The following AKT3 variants were observed in gnomAD, a reference collection of about 807,000 sequenced individuals.
AKT3 encodes RAC-gamma serine/threonine-protein kinase.
In AKT3, 15 loss-of-function variants were observed where a neutral mutation model predicts 65.3. The ratio of observed to expected loss-of-function variants is 0.23; its 90% CI spans 0.15 to 0.35. The LOEUF (loss-of-function observed/expected upper bound fraction) is 0.35. Ranked by LOEUF, AKT3 falls within the 10% of genes least tolerant of loss-of-function variation. The pLI is 1.00. For synonymous variants in AKT3, 206 were observed against 183.8 expected (o/e 1.12, Z -0.98); for missense variants, 243 against 576.5 (o/e 0.42, Z 5.92).
intron 8 of AKT3, among the ~76,000 whole-genome samples, chr1:243,578,541 C>T (rs1436252735): frequency 1.3e-5 from 2 of 151,976 alleles, no homozygotes; most frequent in Non-Finnish European, 2.9e-5. Flanking sequence ...GGGGCAGAGC[C>T]AAGGGAGGGA....
chr1:243,555,246 C>T (rs981023823), intron 10 of AKT3, among the ~76,000 whole-genome samples: 1 of 152,132 alleles, frequency 6.6e-6, no homozygotes, highest in African/African-American at 2.4e-5. Flanking sequence ...ACTAAAATCC[C>T]TCTTTACCTA....
intron 8 of AKT3, among the ~76,000 whole-genome samples, chr1:243,591,217 A>ACTGTTAGCCTGGT (rs1351741032): frequency 6.6e-6 from 1 of 152,238 alleles, no homozygotes; most frequent in Admixed American, 6.5e-5. Flanking sequence ...GAAAAGGACC[A>ACTGTTAGCCTGGT]GATGAAACAA....
intron 2 of AKT3, among the ~76,000 whole-genome samples, chr1:243,793,001 G>C (rs1691725133): frequency 6.6e-6 from 1 of 152,142 alleles, no homozygotes; most frequent in Non-Finnish European, 1.5e-5. Flanking sequence ...CAAACTTCTA[G>C]AAATCATCTT....
At chr1:243,590,588 AAAG>A (rs1173170095) in intron 8 of AKT3, among the ~76,000 whole-genome samples, 1 of 152,174 alleles carries the variant, frequency 6.6e-6, no homozygotes, top group Admixed American at 6.5e-5. Flanking sequence ...ACATGAACAT[AAAG>A]AAGAGATAAA....
At chr1:243,842,531 T>C (rs1430166602) in intron 2 of AKT3, among the ~76,000 whole-genome samples, 1 of 151,966 alleles carries the variant, frequency 6.6e-6, no homozygotes, top group Non-Finnish European at 1.5e-5. Flanking sequence ...AAAGTAGGAG[T>C]GAACAAGGTG....
intron 2 of AKT3, among the ~76,000 whole-genome samples, chr1:243,807,192 CA>C (rs1379569283): frequency 9.2e-5 from 14 of 152,166 alleles, no homozygotes; most frequent in African/African-American, 3.1e-4. Flanking sequence ...GGGTGCAGGA[CA>C]GGGGGTGCAG....
chr1:243,804,855 AAAAC>A (rs1008376998), intron 2 of AKT3, among the ~76,000 whole-genome samples: 8 of 152,036 alleles, frequency 5.3e-5, no homozygotes, highest in African/African-American at 1.2e-4. Context: ...TCAAAAAAAA[AAAAC>A]AAACAAAAAA....
At chr1:243,825,576 T>G (rs1212680318) in intron 2 of AKT3, among the ~76,000 whole-genome samples, 2 of 152,218 alleles carry the variant, frequency 1.3e-5, no homozygotes, top group East Asian at 3.9e-4. Context: ...TATTTTTGGC[T>G]GACCATTATT....
At chr1:243,835,224 C>G (rs1376043017) in intron 2 of AKT3, among the ~76,000 whole-genome samples, 1 of 152,034 alleles carries the variant, frequency 6.6e-6, no homozygotes, top group East Asian at 1.9e-4. Flanking sequence ...GCAATCCCAC[C>G]CCCACATCAT....
intron 4 of AKT3, among the ~76,000 whole-genome samples, chr1:243,652,771 C>CCAAAAAAAAAAAAA (rs761535967): frequency 3.2e-5 from 1 of 31,290 alleles, no homozygotes; most frequent in African/African-American, 1.3e-4. Context: ...AAATAGAAAG[C>CCAAAAAAAAAAAAA]AAAAAAAAAA....
intron 6 of AKT3, among the ~76,000 whole-genome samples, chr1:243,630,307 T>C (rs1434494404): frequency 6.6e-6 from 1 of 152,174 alleles, no homozygotes; most frequent in Non-Finnish European, 1.5e-5. Context: ...TCCCAAGTGT[T>C]ATAACCCAAA....
intron 10 of AKT3, among the ~76,000 whole-genome samples, chr1:243,559,834 A>G (rs1673648773): frequency 1.3e-5 from 2 of 152,126 alleles, no homozygotes; most frequent in Admixed American, 6.6e-5. Flanking sequence ...ATACACAACT[A>G]CTACTTCTAG....
intron 2 of AKT3, among the ~76,000 whole-genome samples, chr1:243,821,849 A>G (rs1219780395): frequency 6.6e-6 from 1 of 152,164 alleles, no homozygotes; most frequent in African/African-American, 2.4e-5. Context: ...TTAACACCCC[A>G]CCATCAATAT....
At chr1:243,850,522 C>T (rs1281280396), upstream of AKT3, among the ~76,000 whole-genome samples, 1 of 151,468 alleles carries the variant, frequency 6.6e-6, no homozygotes, top group Non-Finnish European at 1.5e-5. Context: ...CGGGCTGCGC[C>T]TCGCTGAGGG....
At position 243,643,392 on chromosome 1, in the gene AKT3, G is replaced by A. The variant is rs367658391; in HGVS notation, c.429+2501C>T. On this transcript the variant is annotated intron_variant, in intron 5 of 13. Transcript: ENST00000673466. Reference sequence around the variant, plus strand: ...TAAGCAGAATTTTGACTCTCACTTGGCTTTTTATCCTTTTATGCTATGCCC... The same window carrying A: ...TAAGCAGAATTTTGACTCTCACTTGACTTTTTATCCTTTTATGCTATGCCC... 6.3e-4 allele frequency among the ~76,000 whole-genome samples: 96 copies of A among 152,272 alleles called. 1 individual carries two copies. In the South Asian group the frequency reaches 0.019, roughly 31 times the overall value.
chr1:243,693,243 G>GT (rs1684824406), intron 3 of AKT3, among the ~76,000 whole-genome samples: 2 of 45,402 alleles, frequency 4.4e-5, no homozygotes, highest in African/African-American at 1.5e-4. Flanking sequence ...GCTACAATTT[G>GT]ATATATATAT....
At chr1:243,682,140 T>C (rs1180428651) in intron 3 of AKT3, among the ~76,000 whole-genome samples, 2 of 152,076 alleles carry the variant, frequency 1.3e-5, no homozygotes, top group East Asian at 1.9e-4. Flanking sequence ...AATAGTTATC[T>C]ACATTCAACT....
At chr1:243,576,196 TA>T (rs1674930740) in intron 8 of AKT3, among the ~76,000 whole-genome samples, 1 of 152,122 alleles carries the variant, frequency 6.6e-6, no homozygotes, top group Non-Finnish European at 1.5e-5. Flanking sequence ...CGCTTCATGT[TA>T]AAAATTCTCA....
intron 8 of AKT3, among the ~76,000 whole-genome samples, chr1:243,588,243 A>C (rs561894225): frequency 6.6e-6 from 1 of 152,272 alleles, no homozygotes; most frequent in African/African-American, 2.4e-5. Context: ...ATGCATGTGT[A>C]GGGTTTAACT....
Sources: gnomAD v4.1 joint callset for allele counts (sites outside exome capture counted in the v4.1 genomes callset) on GRCh38, gnomAD v4.1.1 for gene constraint, MANE v1.5 for transcripts, NCBI Gene and HGNC (gene_info 2026-07-23, HGNC 2026-07-21) for gene names.